LRP1B: variants seen among roughly 807,000 people sequenced by gnomAD.
The protein encoded by LRP1B is LDL receptor related protein 1B, also known as low-density lipoprotein receptor-related protein 1B.
A neutral mutation model predicts 556.6 loss-of-function variants in LRP1B; 217 were observed. The ratio of observed to expected loss-of-function variants is 0.39; its 90% CI spans 0.35 to 0.44. The LOEUF (loss-of-function observed/expected upper bound fraction) is 0.44, where lower values mean the gene tolerates loss of function less well. Among genes scored for constraint, LRP1B ranks in the 20% least tolerant of loss-of-function variants. LRP1B has a pLI of 1.00. For missense variants in LRP1B, 5,053 were observed against 5,620.8 expected (o/e 0.90, Z 3.23); for synonymous variants, 2,047 against 1,865.8 (o/e 1.10, Z -2.50).
chr2:141,790,419 T>C (rs1477247254), intron 2 of LRP1B, among the ~76,000 whole-genome samples: 2 of 151,928 alleles, frequency 1.3e-5, no homozygotes, highest in East Asian at 3.9e-4. Context: ...TGTGTTCTAT[T>C]GTGCCCTGGG....
At chr2:141,266,115 G>C (rs1684878323) in intron 3 of LRP1B, among the ~76,000 whole-genome samples, 1 of 152,098 alleles carries the variant, frequency 6.6e-6, no homozygotes, top group Non-Finnish European at 1.5e-5. Context: ...ACAAGGTCAG[G>C]AGATCGAGAC....
chr2:141,371,940 T>A (rs1411991536), intron 3 of LRP1B, among the ~76,000 whole-genome samples: 2 of 152,162 alleles, frequency 1.3e-5, no homozygotes, highest in Non-Finnish European at 2.9e-5. Flanking sequence ...ATTCTTGTCA[T>A]GTTTCAATTC....
chr2:140,422,950 G>A lies in LRP1B; in HGVS notation c.10414+19554C>T, dbSNP rs183889983. Among the ~76,000 whole-genome samples the A allele has an allele frequency of 4.1e-3, 625 of 152,332 alleles. 1 individual carries two copies. Among genetic ancestry groups the A allele is most frequent in the Non-Finnish European group, 6.4e-3 (436 of 68,036 alleles). On this transcript the variant is annotated intron_variant, in intron 66 of 90. Transcript: ENST00000389484. ...CCATGTTAATTCAGCAAGATGGTTA[G>A]TGATCACTTTCCATCTGTCAGTAAG... is the stretch of plus-strand genomic sequence containing the variant.
chr2:141,800,746 T>C (rs1695981499), intron 2 of LRP1B, among the ~76,000 whole-genome samples: 2 of 152,074 alleles, frequency 1.3e-5, no homozygotes, highest in South Asian at 4.1e-4. Context: ...CCAGAATAGA[T>C]AAAGTGAGAA....
At chr2:141,405,031 T>C (rs1166384440) in intron 3 of LRP1B, among the ~76,000 whole-genome samples, 2 of 151,894 alleles carry the variant, frequency 1.3e-5, no homozygotes, top group Non-Finnish European at 2.9e-5. Flanking sequence ...CGGCAGAGCT[T>C]GAAGTGAGCA....
chr2:140,414,616 A>G (rs1427484944), intron 66 of LRP1B, among the ~76,000 whole-genome samples: 1 of 152,214 alleles, frequency 6.6e-6, no homozygotes. Flanking sequence ...TCATTTTAAT[A>G]TGGACATTTA....
intron 5 of LRP1B, among the ~76,000 whole-genome samples, chr2:141,238,134 A>C (rs1683726261): frequency 6.6e-6 from 1 of 152,202 alleles, no homozygotes; most frequent in Non-Finnish European, 1.5e-5. Flanking sequence ...AGATTATTAC[A>C]TGATTATTAG....
intron 1 of LRP1B, among the ~76,000 whole-genome samples, chr2:141,910,576 T>TG (rs1015122004): frequency 3.3e-5 from 5 of 152,036 alleles, no homozygotes; most frequent in African/African-American, 1.2e-4. Flanking sequence ...TGACAATTGC[T>TG]GGGAAAAAAA....
chr2:141,544,305 T>TTCTTCTTCTTCTTCTTCTTCTTCTTC (rs1559130807), intron 2 of LRP1B, among the ~76,000 whole-genome samples: 4 of 6,536 alleles, frequency 6.1e-4, no homozygotes, highest in Admixed American at 2.4e-3. Context: ...ACTCTTCTTC[T>TTCTTCTTCTTCTTCTTCTTCTTCTTC]TCTTCTTCTT....
intron 11 of LRP1B, among the ~76,000 whole-genome samples, chr2:141,045,367 A>G (rs958991869): frequency 1.3e-5 from 2 of 151,636 alleles, no homozygotes; most frequent in Non-Finnish European, 2.9e-5. Context: ...ACATGTATAC[A>G]TATGTAACTA....
intron 2 of LRP1B, among the ~76,000 whole-genome samples, chr2:141,705,239 A>C (rs1692094502): frequency 6.6e-6 from 1 of 151,994 alleles, no homozygotes; most frequent in African/African-American, 2.4e-5. Flanking sequence ...GTAGGCTTGA[A>C]TATCAATTTC....
intron 2 of LRP1B, among the ~76,000 whole-genome samples, chr2:141,704,524 T>G (rs1289948903): frequency 6.6e-6 from 1 of 151,934 alleles, no homozygotes; most frequent in Non-Finnish European, 1.5e-5. Flanking sequence ...GAGAACCACA[T>G]AAGTTCAATT....
intron 43 of LRP1B, among the ~76,000 whole-genome samples, chr2:140,581,892 T>C (rs1681776296): frequency 6.6e-6 from 1 of 152,174 alleles, no homozygotes; most frequent in Non-Finnish European, 1.5e-5. Flanking sequence ...GAGCATTAAC[T>C]AAAGAATGAT....
At chr2:140,242,715 CTG>C (rs984359932) in intron 87 of LRP1B, among the ~76,000 whole-genome samples, 7 of 150,862 alleles carry the variant, frequency 4.6e-5, no homozygotes, top group African/African-American at 1.2e-4. Flanking sequence ...AGCAAATCCT[CTG>C]TTGTCAGTGA....
intron 2 of LRP1B, among the ~76,000 whole-genome samples, chr2:141,673,017 ACAGTCGCCTATAT>A (rs531079319): frequency 1.1e-3 from 160 of 152,222 alleles, no homozygotes; most frequent in African/African-American, 3.7e-3. Flanking sequence ...TACCCTAAAA[ACAGTCGCCTATAT>A]CACTGTAAGT....
chr2:140,843,295 T>C (rs1692178714), intron 29 of LRP1B, among the ~76,000 whole-genome samples: 1 of 151,990 alleles, frequency 6.6e-6, no homozygotes, highest in Non-Finnish European at 1.5e-5. Context: ...CTCTCTCAAA[T>C]CTCTTTCCAG....
chr2:141,321,953 C>T (rs1296902150), intron 3 of LRP1B, among the ~76,000 whole-genome samples: 1 of 152,000 alleles, frequency 6.6e-6, no homozygotes, highest in South Asian at 2.1e-4. Context: ...TGCACTAGAG[C>T]TTTCTAGTCT....
intron 1 of LRP1B, among the ~76,000 whole-genome samples, chr2:142,078,298 T>C (rs961883478): frequency 1.3e-5 from 2 of 152,162 alleles, no homozygotes; most frequent in African/African-American, 4.8e-5. Flanking sequence ...TTGCTTATGC[T>C]ATACTTCTTA....
intron 1 of LRP1B, among the ~76,000 whole-genome samples, chr2:141,861,302 T>C (rs1272172365): frequency 6.6e-6 from 1 of 152,178 alleles, no homozygotes; most frequent in Non-Finnish European, 1.5e-5. Context: ...AATAGGACTC[T>C]GTCTGGAAAT....
Sources: allele counts gnomAD v4.1 joint callset (sites outside exome capture counted in the v4.1 genomes callset), GRCh38; gene constraint gnomAD v4.1.1; transcripts MANE v1.5; gene names NCBI Gene and HGNC (gene_info 2026-07-23, HGNC 2026-07-21).